Variants in LHFPL1 observed in about 807,000 individuals in gnomAD.
The protein encoded by LHFPL1 is LHFPL tetraspan subfamily member 1 protein.
Under a neutral mutation model 12.1 loss-of-function variants are expected in LHFPL1, and 4 were observed. That is an observed-to-expected ratio of 0.33 (90% confidence interval 0.16 to 0.76). LHFPL1 has a LOEUF of 0.76. Ranked by LOEUF, LHFPL1 falls within the 30% of genes least tolerant of loss-of-function variation. The pLI is 0.61. For synonymous variants in LHFPL1, 52 were observed against 61.9 expected (o/e 0.84, Z 0.75); for missense variants, 141 against 174.1 (o/e 0.81, Z 1.07).
At chrX:112,636,281 A>T (rs1930336318) in intron 3 of LHFPL1, among the ~76,000 whole-genome samples, 1 of 111,372 alleles carries the variant, frequency 9.0e-6, no homozygotes. Flanking sequence ...TTGGAGGCAA[A>T]TGGAGGATAT....
At chrX:112,638,601 G>A (rs919321378) in intron 3 of LHFPL1, among the ~76,000 whole-genome samples, 1 of 111,679 alleles carries the variant, frequency 9.0e-6, no homozygotes, top group Admixed American at 9.5e-5. Flanking sequence ...GAGTTGATGG[G>A]GTGGGTGGAA....
At chrX:112,676,768 G>A (rs1445525427) in intron 1 of LHFPL1, among the ~76,000 whole-genome samples, 1 of 111,964 alleles carries the variant, frequency 8.9e-6, no homozygotes, top group Non-Finnish European at 1.9e-5. Context: ...ATATCTCTTA[G>A]TAGCTTAACA....
intron 3 of LHFPL1, among the ~76,000 whole-genome samples, chrX:112,655,178 CTATT>C (rs1260981298): frequency 6.2e-5 from 7 of 112,078 alleles, no homozygotes; most frequent in Non-Finnish European, 1.1e-4. Flanking sequence ...CTGTCATACT[CTATT>C]TATCTTCTAT....
In LHFPL1 at chrX:112,671,356, C is replaced by A; in HGVS notation, c.35G>T (p.Trp12Leu). 1 of 1,211,804 alleles carries A rather than the reference C, an allele frequency of 8.3e-7. No homozygotes were observed. Residue 12 changes from tryptophan (W) to leucine (L), a missense_variant, in exon 2 of 4, where the codon TGG becomes TTG. Transcript: ENST00000371968. ...AGCAGTAACAAGGGACAGGAAGGCC[C>A]AGAGGGTTCCCACCATGGTCAGGCT... ...RSSLTMVGTLWAFLSLVTAVT... is the reference protein window; with the variant it reads ...RSSLTMVGTLLAFLSLVTAVT...
chrX:112,672,418 A>T (rs1399581469), intron 1 of LHFPL1, among the ~76,000 whole-genome samples: 4 of 111,098 alleles, frequency 3.6e-5, no homozygotes, highest in African/African-American at 1.3e-4. Flanking sequence ...AAAATCAACC[A>T]CTTTCCTCCC....
chrX:112,672,403 T>C (rs1385741614), intron 1 of LHFPL1, among the ~76,000 whole-genome samples: 1 of 111,374 alleles, frequency 9.0e-6, no homozygotes, highest in African/African-American at 3.3e-5. Context: ...CAGACCCCTC[T>C]GTCAAAAATC....
intron 2 of LHFPL1, among the ~76,000 whole-genome samples, chrX:112,667,449 C>A (rs748018856): frequency 1.8e-5 from 2 of 112,176 alleles, no homozygotes; most frequent in Admixed American, 1.9e-4. Context: ...TTAAGCACCC[C>A]AGGTGATTCT....
chrX:112,664,904 A>C (rs1408372269), intron 2 of LHFPL1, among the ~76,000 whole-genome samples: 1 of 111,839 alleles, frequency 8.9e-6, no homozygotes, highest in Non-Finnish European at 1.9e-5. Context: ...GGATTCTTGG[A>C]CCTCAGCCCC....
chrX:112,631,820 T>C (rs191205859), intron 3 of LHFPL1, among the ~76,000 whole-genome samples: 116 of 111,895 alleles, frequency 1.0e-3, no homozygotes, highest in Non-Finnish European at 1.3e-4. Context: ...CAAGAGGTTG[T>C]AAGATTTTAT....
chrX:112,670,697 T>C (rs759755915), intron 2 of LHFPL1, among the ~76,000 whole-genome samples: 1 of 112,379 alleles, frequency 8.9e-6, no homozygotes, highest in South Asian at 3.7e-4. Context: ...TGTTGCTGAC[T>C]CTGGAAGGCA....
chrX:112,664,648 G>A (rs1234241525), intron 2 of LHFPL1, among the ~76,000 whole-genome samples: 1 of 110,234 alleles, frequency 9.1e-6, no homozygotes, highest in Admixed American at 9.7e-5. Flanking sequence ...ATACTTCATG[G>A]ACATATTTGA....
chrX:112,660,086 G>A (rs1485035409), intron 3 of LHFPL1, among the ~76,000 whole-genome samples: 1 of 112,219 alleles, frequency 8.9e-6, no homozygotes, highest in Non-Finnish European at 1.9e-5. Context: ...ACTCACAATA[G>A]TGAACCTGAG....
chrX:112,677,759 T>C (rs1931692751), intron 1 of LHFPL1, among the ~76,000 whole-genome samples: 1 of 111,403 alleles, frequency 9.0e-6, no homozygotes, highest in African/African-American at 3.3e-5. Context: ...GCTATCTCCA[T>C]TATGAGAAGT....
intron 3 of LHFPL1, among the ~76,000 whole-genome samples, chrX:112,647,426 T>G (rs868680604): frequency 2.7e-5 from 3 of 111,724 alleles, no homozygotes; most frequent in Admixed American, 9.5e-5. Flanking sequence ...AATCTATCCA[T>G]CTGACAAAGG....
chrX:112,633,910 C>G (rs906067220), intron 3 of LHFPL1, among the ~76,000 whole-genome samples: 1 of 111,635 alleles, frequency 9.0e-6, no homozygotes, highest in Admixed American at 9.5e-5. Context: ...CATATAGAGA[C>G]AAGCAGCCTG....
chrX:112,675,995 AAC>A (rs1931644578), intron 1 of LHFPL1, among the ~76,000 whole-genome samples: 1 of 112,335 alleles, frequency 8.9e-6, no homozygotes, highest in African/African-American at 3.2e-5. Context: ...ATAGCTTCTG[AAC>A]ACAATATGAG....
At chrX:112,651,897 C>A (rs1398137687) in intron 3 of LHFPL1, among the ~76,000 whole-genome samples, 1 of 112,497 alleles carries the variant, frequency 8.9e-6, no homozygotes, top group Non-Finnish European at 1.9e-5. Context: ...GGATAAAATA[C>A]AAAGTCCTTA....
chrX:112,636,435 A>G (rs1226121236), intron 3 of LHFPL1, among the ~76,000 whole-genome samples: 1 of 112,450 alleles, frequency 8.9e-6, no homozygotes, highest in African/African-American at 3.2e-5. Context: ...AACACCAGAT[A>G]TTTATACTTT....
intron 1 of LHFPL1, among the ~76,000 whole-genome samples, chrX:112,679,262 C>A (rs73536922): frequency 0.015 from 1,673 of 111,869 alleles, 34 homozygotes; most frequent in African/African-American, 0.052. Context: ...ATTTCAGGTT[C>A]TTCTGGAAAT....
Sources: gnomAD v4.1 joint callset for allele counts (sites outside exome capture counted in the v4.1 genomes callset) on GRCh38, gnomAD v4.1.1 for gene constraint, MANE v1.5 for transcripts, NCBI Gene and HGNC (gene_info 2026-07-23, HGNC 2026-07-21) for gene names.